The following NOC4L variants were observed in gnomAD, a reference collection of about 807,000 sequenced individuals.
The protein encoded by NOC4L is nucleolar complex protein 4 homolog.
Under a neutral mutation model 62.8 loss-of-function variants are expected in NOC4L, and 40 were observed. That is an observed-to-expected ratio of 0.64 (90% CI 0.49 to 0.83). NOC4L has a LOEUF of 0.83. NOC4L is among the 40% of genes least tolerant of loss of function. The probability of loss-of-function intolerance (pLI) is 0.00; values close to 1 mark genes in which losing one functional copy is unlikely to be tolerated. For missense variants in NOC4L, 927 were observed against 701.9 expected, an observed-to-expected ratio of 1.32 and a Z score of -3.62; for synonymous variants, 433 against 299.8, an observed-to-expected ratio of 1.44 and a Z score of -4.59.
At chr12:132,147,825 C>T (rs1247107103) in intron 5 of NOC4L, 43 bp downstream of exon 5, 2 of 1,610,896 alleles carry the variant, frequency 1.2e-6, no homozygotes, top group Non-Finnish European at 8.5e-7. Context: ...CTGTTGCCTC[C>T]CAGGGAGGCA....
chr12:132,151,888 C>T, intron 13 of NOC4L, 68 bp downstream of exon 13: 1 of 1,470,896 alleles, frequency 6.8e-7, no homozygotes, highest in Non-Finnish European at 9.4e-7. Flanking sequence ...AAGCCCAGCT[C>T]CCCGTGCCAC....
chr12:132,147,508 G>T (rs1019836956), intron 4 of NOC4L, 120 bp downstream of exon 4: 84 of 1,449,240 alleles, frequency 5.8e-5, no homozygotes, highest in Non-Finnish European at 7.5e-5. Flanking sequence ...ACACTCCTGT[G>T]GCTCCTGTGG....
At position 132,145,751 on chromosome 12, in the gene NOC4L, A is replaced by G. The variant is rs923546749; in HGVS notation, c.345+86A>G. Reference sequence around the variant, plus strand: ...CACAAAGCAGAGGTCTGGGGCTCCCACAATTGTCCAGGCAAAGCTGCTTCC... The same window carrying G: ...CACAAAGCAGAGGTCTGGGGCTCCCGCAATTGTCCAGGCAAAGCTGCTTCC... On this transcript the variant is annotated intron_variant, in intron 3 of 14. Coordinates refer to ENST00000330579, the MANE Select transcript of NOC4L (RefSeq NM_024078.3). The G allele has an allele frequency of 5.0e-5, 46 of 915,838 alleles. No individual in the cohort carries two copies. In the African/African-American group the frequency reaches 7.1e-4, roughly 14 times the overall value. 56.7% of individuals were successfully genotyped at this position (915,838 alleles called of 1,614,324 possible). A position where few individuals can be genotyped will look rare whatever the true frequency, so the allele number is the denominator to read the frequency against.
chr12:132,152,040 C>A, intron 13 of NOC4L, 44 bp from the exon 14 acceptor site: 1 of 1,519,220 alleles, frequency 6.6e-7, no homozygotes, highest in Non-Finnish European at 8.9e-7. Flanking sequence ...GGGCACAGGG[C>A]GGGGGCCTGG....
intron 7 of NOC4L, among the ~76,000 whole-genome samples, 178 bp downstream of exon 7, chr12:132,148,284 C>G (rs768679840): frequency 6.6e-6 from 1 of 152,184 alleles, no homozygotes; most frequent in African/African-American, 2.4e-5. Flanking sequence ...CCTGTGAACT[C>G]GGGACCCTCC....
chr12:132,151,991 C>A, intron 13 of NOC4L, 93 bp from the exon 14 acceptor site: 2 of 1,340,232 alleles, frequency 1.5e-6, no homozygotes, highest in Non-Finnish European at 2.0e-6. Context: ...GTCCCGACCC[C>A]GCCCACTCTG....
At position 132,145,642 on chromosome 12, in the gene NOC4L, G is replaced by C. The variant is rs932028653; in HGVS notation, c.322G>C (p.Gly108Arg). The change falls in exon 3 of 15, where the codon GGC becomes CGC. Residue 108 changes from glycine to arginine, a missense_variant. Gly to Arg is a moderately radical substitution (Grantham distance 125). Transcript: ENST00000330579. The stretch of plus-strand genomic sequence containing the variant: ...CTGCAATCGCTTGGGAGAGCTCCTG[G>C]GCCACCCCTCCTTTCAGGTCAAGGT... Reference protein sequence around the residue: ...SCCNRLGELLGHPSFQVKELA... With the variant: ...SCCNRLGELLRHPSFQVKELA... 6.2e-7 allele frequency: 1 copy of C among 1,613,250 alleles called. No homozygotes were observed. The highest frequency in any genetic ancestry group is 8.5e-7 in the Non-Finnish European group (1 of 1,179,698).
chr12:132,148,928 CT>C (rs758611081), intron 9 of NOC4L, 33 bp downstream of exon 9: 14 of 686,262 alleles, frequency 2.0e-5, no homozygotes, highest in African/African-American at 1.0e-4. Flanking sequence ...CACCACACCC[CT>C]AATCCCCTCG....
At chr12:132,150,756 G>C (rs139200217) in intron 9 of NOC4L, 2 of 462,686 alleles carry the variant, frequency 4.3e-6, no homozygotes, top group South Asian at 2.5e-5. Flanking sequence ...CCGCCGCCTC[G>C]CTCACACCCC....
chr12:132,144,971 A>G lies in NOC4L; in HGVS notation c.235A>G (p.Thr79Ala), dbSNP rs758010709. 19 of 1,597,704 alleles carry G rather than the reference A, an allele frequency of 1.2e-5. No individual in the cohort carries two copies. The African/African-American group carries it at 1.6e-4, about 13-fold the overall frequency. ...GCTGCCCTCTGAGGAGATGGTCATG[A>G]CAGGTGAGCCCTGGAGGGCCCCGGG... The part of the protein sequence containing the change: ...GQLPSEEMVM[T>A]GSQGATRKYK... Residue 79 changes from threonine to alanine, a missense_variant, in exon 2 of 15, where the codon ACA (threonine) becomes GCA (alanine). By Grantham distance (58) the Thr-to-Ala change is moderately conservative. Coordinates refer to ENST00000330579, the MANE Select transcript of NOC4L (RefSeq NM_024078.3).
Position 132,151,772 on chromosome 12 carries a change from G to A in NOC4L, c.1269G>A (p.Glu423=). ...CCGACCCCTACGACCCTGGAGAGGA[G>A]GACCCAGCCCAGAGCCGGGCCTTGG... The part of the protein sequence containing the change: ...LDADPYDPGE[E]DPAQSRALES... Residue 423 remains glutamate (E), a synonymous_variant, in exon 13 of 15, where the codon GAG becomes GAA. Transcript: ENST00000330579. 1.2e-6 allele frequency: 2 copies of A among 1,612,396 alleles called. No individual in the cohort carries two copies. Among genetic ancestry groups the A allele is most frequent in the South Asian group, 1.1e-5 (1 of 91,078 alleles).
rs1897777226 is a variant in NOC4L, at chr12:132,147,731, C to T, written c.552C>T (p.Thr184=). The T allele has an allele frequency of 6.2e-7, 1 of 1,612,926 alleles. No homozygotes were observed. The highest frequency in any genetic ancestry group is 8.5e-7 in the Non-Finnish European group (1 of 1,179,978). Reference sequence around the variant, plus strand: ...ACTACGACGACACCCGCTACCACACCATGCAGGCAGCCGTGGATGCCGTGG... The same window carrying T: ...ACTACGACGACACCCGCTACCACACTATGCAGGCAGCCGTGGATGCCGTGG... The part of the protein sequence containing the change: ...YLDYDDTRYH[T]MQAAVDAVAR... Residue 184 remains threonine, a synonymous_variant, in exon 5 of 15, where the codon ACC becomes ACT. Coordinates refer to ENST00000330579, the MANE Select transcript of NOC4L (RefSeq NM_024078.3).
Position 132,147,873 on chromosome 12 carries a change from T to C in NOC4L, c.604-7T>C. On this transcript the variant is annotated splice_region_variant and splice_polypyrimidine_tract_variant and intron_variant, in intron 5 of 14. Coordinates refer to ENST00000330579, the MANE Select transcript of NOC4L (RefSeq NM_024078.3). ...CGGCGTCCAGGCACTCAGGCCAGGCTCCGCAGGTGCCCCCCGCCTTTTGGA... is the reference window on the plus strand; with the variant it reads ...CGGCGTCCAGGCACTCAGGCCAGGCCCCGCAGGTGCCCCCCGCCTTTTGGA... 6.2e-7 allele frequency: 1 copy of C among 1,609,496 alleles called. No individual in the cohort carries two copies. Among genetic ancestry groups the C allele is most frequent in the Non-Finnish European group, 8.5e-7 (1 of 1,179,540 alleles).
Position 132,148,666 on chromosome 12 carries a change from G to C in NOC4L, c.789+7G>C. 1 of 1,455,334 alleles carries C rather than the reference G, an allele frequency of 6.9e-7. No homozygotes were observed. Among genetic ancestry groups the C allele is most frequent in the Non-Finnish European group, 9.4e-7 (1 of 1,067,802 alleles). The allele number at this position is 1,455,334 out of a possible 1,614,324, so 90.2% of individuals were successfully genotyped here. On this transcript the variant is annotated splice_region_variant and intron_variant, in intron 8 of 14. Transcript: ENST00000330579. ...CAGCTTCCTCAAGCACAAGGTAGGGGCCAGGCCGGGGAGGGGGCGGGGGCG... is the reference window on the plus strand; with the variant it reads ...CAGCTTCCTCAAGCACAAGGTAGGGCCCAGGCCGGGGAGGGGGCGGGGGCG...
rs201638574 is a variant in NOC4L at position 132,152,240 on chromosome 12, G to A, written c.1432-42G>A. On this transcript the variant is annotated intron_variant, in intron 14 of 14. Coordinates refer to ENST00000330579, the MANE Select transcript of NOC4L (RefSeq NM_024078.3). ...GGTGCGAGGGTCTGGGCCACGGGGC[G>A]CTGAGCCAAGCCTGAGAGCCGCCGT... The A allele has an allele frequency of 7.4e-4, 1,176 of 1,597,378 alleles. 6 individuals carry two copies. In the African/African-American group the frequency reaches 0.013, roughly 18 times the overall value.
intron 2 of NOC4L, 67 bp downstream of exon 2, chr12:132,145,041 TG>T: frequency 6.6e-7 from 1 of 1,513,826 alleles, no homozygotes; most frequent in African/African-American, 1.4e-5. Flanking sequence ...TTTGTCACCA[TG>T]GGATGAGCGC....
At chr12:132,146,395 A>G (rs1897729074) in intron 3 of NOC4L, 1 of 450,666 alleles carries the variant, frequency 2.2e-6, no homozygotes, top group Non-Finnish European at 4.5e-6. Context: ...CGTCGTTTCC[A>G]CCTTTGGCTG....
rs1288853599 is a variant in NOC4L, at chr12:132,145,578, G to A, written c.258G>A (p.Arg86=). ...CTGCAGGGTCCCAGGGAGCCACACGGAAGTACAAGGTGTGGATGAGACACC... is the reference window on the plus strand; with the variant it reads ...CTGCAGGGTCCCAGGGAGCCACACGAAAGTACAAGGTGTGGATGAGACACC... The part of the protein sequence containing the change: ...MVMTGSQGAT[R]KYKVWMRHRY... Residue 86 remains arginine, a synonymous_variant, in exon 3 of 15, where the codon CGG becomes CGA. Coordinates refer to ENST00000330579, the MANE Select transcript of NOC4L (RefSeq NM_024078.3). The A allele has an allele frequency of 6.2e-7, 1 of 1,612,796 alleles. No homozygotes were observed. Among genetic ancestry groups the A allele is most frequent in the Admixed American group, 1.7e-5 (1 of 59,948 alleles).
chr12:132,152,195 G>C lies in NOC4L; in HGVS notation c.1429G>C (p.Glu477Gln). ...IAPLLELTAY[E>Q]IFERDLKKKG... is the part of the protein sequence containing the mutation. Reference sequence around the variant, plus strand: ...GCCACTGCTGGAGCTCACGGCCTACGAGGTGCGGAACTGGGCCAGGGTGCG... The same window carrying C: ...GCCACTGCTGGAGCTCACGGCCTACCAGGTGCGGAACTGGGCCAGGGTGCG... Residue 477 changes from glutamate (E) to glutamine (Q), a missense_variant and splice_region_variant, in exon 14 of 15, where the codon GAG becomes CAG. By Grantham distance (29) the Glu-to-Gln change is conservative. Transcript: ENST00000330579. 6.2e-6 allele frequency: 10 copies of C among 1,611,410 alleles called. No individual in the cohort carries two copies. In the Middle Eastern group the frequency reaches 5.0e-4, roughly 80 times the overall value.
Sources: gnomAD v4.1 joint callset for allele counts (sites outside exome capture counted in the v4.1 genomes callset) on GRCh38, gnomAD v4.1.1 for gene constraint, MANE v1.5 for transcripts, NCBI Gene and HGNC (gene_info 2026-07-23, HGNC 2026-07-21) for gene names.